The following FSTL5 variants were observed in gnomAD, a reference collection of about 807,000 sequenced individuals.
FSTL5 encodes the protein follistatin like 5, also known as follistatin-related protein 5.
Under a neutral mutation model 89.1 loss-of-function variants are expected in FSTL5, and 62 were observed. The observed-to-expected ratio is 0.70, with a 90% confidence interval of 0.57 to 0.86. The LOEUF (loss-of-function observed/expected upper bound fraction) is 0.86, where lower values mean the gene tolerates loss of function less well. Ranked by LOEUF, FSTL5 falls within the 40% of genes least tolerant of loss-of-function variation. FSTL5 has a pLI of 0.00. For synonymous variants in FSTL5, 383 were observed against 346.2 expected, an observed-to-expected ratio of 1.11 and a Z score of -1.18; for missense variants, 1,057 against 1,001.6, an observed-to-expected ratio of 1.06 and a Z score of -0.75.
chr4:161,710,741 A>G (rs1275317029), intron 6 of FSTL5, among the ~76,000 whole-genome samples: 1 of 152,194 alleles, frequency 6.6e-6, no homozygotes, highest in Non-Finnish European at 1.5e-5. Flanking sequence ...GAAGAATGCA[A>G]TGCTTCTATC....
At chr4:161,701,129 A>C (rs1015716544) in intron 6 of FSTL5, among the ~76,000 whole-genome samples, 9 of 152,192 alleles carry the variant, frequency 5.9e-5, no homozygotes, top group Non-Finnish European at 1.2e-4. Flanking sequence ...GTCCCTTTGG[A>C]ATATAATTTT....
At chr4:161,757,420 C>A (rs193203701) in intron 6 of FSTL5, among the ~76,000 whole-genome samples, 267 of 151,902 alleles carry the variant, frequency 1.8e-3, no homozygotes, top group African/African-American at 6.0e-3. Flanking sequence ...TTTTCCCTGA[C>A]AAACCACATT....
intron 15 of FSTL5, among the ~76,000 whole-genome samples, chr4:161,413,054 G>A (rs951610438): frequency 6.6e-6 from 1 of 151,698 alleles, no homozygotes; most frequent in South Asian, 2.1e-4. Flanking sequence ...AAACAAAAAC[G>A]AACAATGGGA....
chr4:161,395,227 T>C (rs1386624918), intron 15 of FSTL5, among the ~76,000 whole-genome samples: 2 of 152,082 alleles, frequency 1.3e-5, no homozygotes, highest in East Asian at 3.8e-4. Context: ...GATGATATAA[T>C]AGAATATAGG....
intron 6 of FSTL5, among the ~76,000 whole-genome samples, chr4:161,711,411 G>T (rs921010055): frequency 6.6e-6 from 1 of 151,886 alleles, no homozygotes; most frequent in Non-Finnish European, 1.5e-5. Flanking sequence ...ATAAATAAAT[G>T]AAATAGACAA....
intron 3 of FSTL5, among the ~76,000 whole-genome samples, chr4:161,941,105 G>A (rs1199726418): frequency 1.3e-5 from 2 of 151,826 alleles, no homozygotes; most frequent in African/African-American, 2.4e-5. Flanking sequence ...TGTTATAAAT[G>A]TAAGAGTTTA....
chr4:162,126,273 T>C (rs1261645249), intron 1 of FSTL5, among the ~76,000 whole-genome samples: 2 of 151,894 alleles, frequency 1.3e-5, no homozygotes, highest in Admixed American at 6.5e-5. Flanking sequence ...CTTTGTATCT[T>C]AAAATTTTTG....
intron 7 of FSTL5, among the ~76,000 whole-genome samples, chr4:161,600,772 C>A (rs1331692937): frequency 2.0e-4 from 31 of 152,108 alleles, no homozygotes; most frequent in Admixed American, 2.0e-3. Context: ...ACTCTTGTAT[C>A]ATTAGTAAAT....
At chr4:161,667,203 C>A (rs894407056) in intron 6 of FSTL5, among the ~76,000 whole-genome samples, 1 of 152,052 alleles carries the variant, frequency 6.6e-6, no homozygotes, top group African/African-American at 2.4e-5. Flanking sequence ...CATTTAATTT[C>A]TATCTTTCAA....
At chr4:161,449,884 A>G (rs1733100610) in intron 15 of FSTL5, among the ~76,000 whole-genome samples, 3 of 152,184 alleles carry the variant, frequency 2.0e-5, no homozygotes, top group Admixed American at 2.0e-4. Context: ...TCTTGCTGTT[A>G]TTCTCTTGCC....
intron 4 of FSTL5, among the ~76,000 whole-genome samples, chr4:161,820,957 A>C (rs376930684): frequency 6.9e-6 from 1 of 145,396 alleles, no homozygotes; most frequent in Non-Finnish European, 1.5e-5. Flanking sequence ...AAAAAAAAAA[A>C]CCACCAAACT....
At chr4:161,759,643 C>CA in intron 5 of FSTL5, 112 bp from the exon 6 acceptor site, 1 of 596,994 alleles carries the variant, frequency 1.7e-6, no homozygotes, top group East Asian at 3.9e-5. Context: ...TGCAGCAGGG[C>CA]AAAAAACTCA....
chr4:161,441,501 C>G lies in FSTL5; in HGVS notation c.1841+13503G>C, dbSNP rs555453419. Among the ~76,000 whole-genome samples, 5 of 152,112 alleles carry G rather than the reference C, an allele frequency of 3.3e-5. No homozygotes were observed. In the East Asian group the frequency reaches 9.7e-4, roughly 29 times the overall value. ...ACCAATTAACAAACATTTCTGTAAA[C>G]TAGGTTAAAGCTAAATAAAAACTGA... On this transcript the variant is annotated intron_variant, in intron 15 of 15. Transcript: ENST00000306100.
intron 4 of FSTL5, among the ~76,000 whole-genome samples, chr4:161,779,802 T>C (rs867570037): frequency 1.8e-4 from 10 of 56,470 alleles, no homozygotes; most frequent in African/African-American, 3.4e-4. Context: ...TATATATATA[T>C]ATATATATGT....
At chr4:161,826,951 A>C (rs1730687193) in intron 4 of FSTL5, among the ~76,000 whole-genome samples, 1 of 151,972 alleles carries the variant, frequency 6.6e-6, no homozygotes, top group South Asian at 2.1e-4. Flanking sequence ...ATTTTTTTAA[A>C]TTTATTTACT....
chr4:161,386,689 A>G (rs1471461542), intron 15 of FSTL5: 1 of 454,036 alleles, frequency 2.2e-6, no homozygotes, highest in Non-Finnish European at 3.9e-6. Context: ...AAATAATTAA[A>G]AGCAATACAT....
chr4:161,996,223 C>G (rs767467864), intron 3 of FSTL5, among the ~76,000 whole-genome samples: 5 of 152,146 alleles, frequency 3.3e-5, no homozygotes, highest in Non-Finnish European at 7.3e-5. Context: ...ATGGCAAAGC[C>G]CCATTTTAAC....
At chr4:161,453,159 C>G (rs1733231087) in intron 15 of FSTL5, among the ~76,000 whole-genome samples, 1 of 152,142 alleles carries the variant, frequency 6.6e-6, no homozygotes, top group Non-Finnish European at 1.5e-5. Flanking sequence ...CCACTCCCAA[C>G]TATACACAAT....
At chr4:162,124,033 G>C (rs1025093448) in intron 1 of FSTL5, among the ~76,000 whole-genome samples, 1 of 152,134 alleles carries the variant, frequency 6.6e-6, no homozygotes, top group African/African-American at 2.4e-5. Flanking sequence ...AATCTAGGTA[G>C]AGTATTCAGA....
Sources: allele counts gnomAD v4.1 joint callset (sites outside exome capture counted in the v4.1 genomes callset), GRCh38; gene constraint gnomAD v4.1.1; transcripts MANE v1.5; gene names NCBI Gene and HGNC (gene_info 2026-07-23, HGNC 2026-07-21).